CRYBG1: variants seen among roughly 807,000 people sequenced by gnomAD.
CRYBG1 encodes the protein crystallin beta-gamma domain containing 1.
In CRYBG1, 139 loss-of-function variants were observed where a neutral mutation model predicts 189.2. That is an observed-to-expected ratio of 0.73 (90% CI 0.64 to 0.85). CRYBG1 has a LOEUF of 0.85. Among genes scored for constraint, CRYBG1 ranks in the 40% least tolerant of loss-of-function variants. The pLI is 0.00. For synonymous variants in CRYBG1, 1,023 were observed against 1,017.1 expected (o/e 1.01, Z -0.11); for missense variants, 2,611 against 2,675.8 (o/e 0.98, Z 0.53).
intron 21 of CRYBG1, among the ~76,000 whole-genome samples, chr6:106,568,052 A>G (rs376326550): frequency 0.17 from 25,136 of 151,954 alleles, 2,603 homozygotes; most frequent in African/African-American, 0.29. Flanking sequence ...TGCCAGGACT[A>G]CCTGCTCTTT....
chr6:106,424,851 G>T (rs142260022), intron 1 of CRYBG1, among the ~76,000 whole-genome samples: 15 of 152,090 alleles, frequency 9.9e-5, no homozygotes, highest in African/African-American at 3.4e-4. Flanking sequence ...TGCACTCCTT[G>T]TCATTGGCAT....
At chr6:106,428,944 T>G (rs1388166708) in intron 1 of CRYBG1, among the ~76,000 whole-genome samples, 3 of 152,208 alleles carry the variant, frequency 2.0e-5, no homozygotes, top group Non-Finnish European at 4.4e-5. Context: ...TCCTTTCCCT[T>G]GATCTTTTGA....
intron 1 of CRYBG1, among the ~76,000 whole-genome samples, chr6:106,401,118 G>A (rs1770711874): frequency 6.6e-6 from 1 of 152,116 alleles, no homozygotes; most frequent in Non-Finnish European, 1.5e-5. Flanking sequence ...AAAAGGAAGT[G>A]CAAAAGGAAG....
chr6:106,459,465 A>T (rs1057159962), intron 2 of CRYBG1, among the ~76,000 whole-genome samples: 3 of 152,044 alleles, frequency 2.0e-5, no homozygotes. Context: ...TCACCCTGAG[A>T]GGTAACTATT....
At chr6:106,491,802 G>T (rs973773862) in intron 2 of CRYBG1, among the ~76,000 whole-genome samples, 11 of 152,078 alleles carry the variant, frequency 7.2e-5, no homozygotes, top group African/African-American at 2.7e-4. Context: ...TCCCCGCTCA[G>T]AAACCTTAAA....
chr6:106,447,547 A>AATATATATATATATATATAT lies in CRYBG1; in HGVS notation c.174-4140_174-4121dup, dbSNP rs59943398. Among the ~76,000 whole-genome samples, 255 of 140,954 alleles carry AATATATATATATATATATAT rather than the reference A, an allele frequency of 1.8e-3. 1 individual carries two copies. Among genetic ancestry groups the AATATATATATATATATATAT allele is most frequent in the East Asian group, 6.1e-3 (28 of 4,602 alleles). The allele number at this position is 140,954 out of a possible 152,430, so 92.5% of individuals were successfully genotyped here. A position where few individuals can be genotyped will look rare whatever the true frequency, so the allele number is the denominator to read the frequency against. On this transcript the variant is annotated intron_variant, in intron 1 of 21. Coordinates refer to ENST00000633556, the MANE Select transcript of CRYBG1 (RefSeq NM_001371242.2). ...ATGCTTGTACCTCATGTACCTCATA[A>AATATATATATATATATATAT]ATATATATATATATATATATATATA...
At chr6:106,370,009 C>A (rs1240119718) in intron 1 of CRYBG1, among the ~76,000 whole-genome samples, 1 of 152,132 alleles carries the variant, frequency 6.6e-6, no homozygotes, top group Non-Finnish European at 1.5e-5. Flanking sequence ...ATGGTGCTTT[C>A]TTTATATTCT....
At position 106,558,536 on chromosome 6, in the gene CRYBG1, AAAAAAGATTG is replaced by A. The variant is rs752363735; in HGVS notation, c.5769_5778del (p.Lys1923AsnfsTer60). The A allele has an allele frequency of 6.2e-7, 1 of 1,611,732 alleles. No homozygotes were observed. Among genetic ancestry groups the A allele is most frequent in the Non-Finnish European group, 8.5e-7 (1 of 1,178,158 alleles). ...TCTTTGAAAGAGAAGACTTCAAAGG[AAAAAAGATTG>A]AACTTAATGCAGAAACTGTCAATCT... On this transcript the variant is annotated frameshift_variant, in exon 18 of 22. Coordinates refer to ENST00000633556, the MANE Select transcript of CRYBG1 (RefSeq NM_001371242.2). LOFTEE classifies it high-confidence loss of function.
intron 1 of CRYBG1, among the ~76,000 whole-genome samples, chr6:106,411,946 C>A (rs898934185): frequency 6.6e-6 from 1 of 152,214 alleles, no homozygotes. Flanking sequence ...CTTCTTTCAC[C>A]TGCTTTGTTC....
Position 106,519,414 on chromosome 6 carries a change from A to T in CRYBG1, c.2206A>T (p.Asn736Tyr). 6.2e-7 allele frequency: 1 copy of T among 1,614,144 alleles called. No homozygotes were observed. Among genetic ancestry groups the T allele is most frequent in the South Asian group, 1.1e-5 (1 of 91,086 alleles). The part of the protein sequence containing the change: ...MEQPEKKVMP[N>Y]SPQNGVLVKE... Reference sequence around the variant, plus strand: ...GCAACCTGAAAAGAAAGTAATGCCAAACAGTCCCCAGAATGGTGTGCTGGT... The same window carrying T: ...GCAACCTGAAAAGAAAGTAATGCCATACAGTCCCCAGAATGGTGTGCTGGT... The change falls in exon 4 of 22, where the codon AAC becomes TAC. Residue 736 changes from asparagine to tyrosine, a missense_variant. This residue lies in a region of CRYBG1 where 1,622 missense variants were observed against 1,735.0 expected (regional missense o/e 0.93). Coordinates refer to ENST00000633556, the MANE Select transcript of CRYBG1 (RefSeq NM_001371242.2).
At chr6:106,543,318 C>A in intron 10 of CRYBG1, 122 bp from the exon 11 acceptor site, 1 of 994,580 alleles carries the variant, frequency 1.0e-6, no homozygotes, top group Non-Finnish European at 1.5e-6. Flanking sequence ...GCGTGAGCCA[C>A]CGCGCCCAGT....
Position 106,565,973 on chromosome 6 carries a change from A to C in CRYBG1, c.6301+2047A>C, listed in dbSNP as rs577907400. On this transcript the variant is annotated intron_variant, in intron 21 of 21. Coordinates refer to ENST00000633556, the MANE Select transcript of CRYBG1 (RefSeq NM_001371242.2). ...GAGTTTTTGACACAATGTTAGAGAA[A>C]GTAGGGTATGTAGTTCTCAAAGGAA... Among the ~76,000 whole-genome samples, 4 of 152,338 alleles carry C rather than the reference A, an allele frequency of 2.6e-5. 1 individual carries two copies. The highest frequency in any genetic ancestry group is 9.6e-5 in the African/African-American group (4 of 41,572).
At chr6:106,442,286 A>T (rs2114423054) in intron 1 of CRYBG1, among the ~76,000 whole-genome samples, 1 of 152,238 alleles carries the variant, frequency 6.6e-6, no homozygotes, top group African/African-American at 2.4e-5. Context: ...GGATTGATGA[A>T]GATAATTATT....
At position 106,477,836 on chromosome 6, in the gene CRYBG1, G is replaced by A. The variant is rs575609988; in HGVS notation, c.312+26004G>A. On this transcript the variant is annotated intron_variant, in intron 2 of 21. Coordinates refer to ENST00000633556, the MANE Select transcript of CRYBG1 (RefSeq NM_001371242.2). ...CATTTTTGTGGGGTTCATCAGAAGT[G>A]GGTGTGAAGGTTTTCTTCCTGTGTA... Among the ~76,000 whole-genome samples, 3 of 152,346 alleles carry A rather than the reference G, an allele frequency of 2.0e-5. No individual in the cohort carries two copies. In the East Asian group the frequency reaches 5.8e-4, roughly 29 times the overall value.
chr6:106,567,024 CT>C (rs1296125884), intron 21 of CRYBG1, among the ~76,000 whole-genome samples: 1 of 152,182 alleles, frequency 6.6e-6, no homozygotes, highest in Non-Finnish European at 1.5e-5. Context: ...TTTAAACACT[CT>C]CCAAAGGCAA....
chr6:106,405,383 G>A (rs181677105), intron 1 of CRYBG1, among the ~76,000 whole-genome samples: 53 of 152,344 alleles, frequency 3.5e-4, no homozygotes, highest in Non-Finnish European at 6.2e-4. Flanking sequence ...AGCAGCCCCA[G>A]TCAGGGGCTT....
chr6:106,535,708 C>CT (rs971630079), intron 8 of CRYBG1, among the ~76,000 whole-genome samples: 7 of 151,156 alleles, frequency 4.6e-5, no homozygotes, highest in Non-Finnish European at 7.4e-5. Flanking sequence ...TTTTAAGTCT[C>CT]TTTTTAAAGA....
intron 1 of CRYBG1, among the ~76,000 whole-genome samples, chr6:106,388,188 C>T (rs1295473345): frequency 6.6e-6 from 1 of 152,186 alleles, no homozygotes; most frequent in Admixed American, 6.5e-5. Context: ...AGGGGTAAAT[C>T]ACGTGCACTT....
rs10223856 is a variant in CRYBG1 at position 106,517,393 on chromosome 6, T to C, written c.1923-1738T>C. ...ATACACACACACATATACACACATA[T>C]ATATATATACACACACACATATATA... On this transcript the variant is annotated intron_variant, in intron 3 of 21. Coordinates refer to ENST00000633556, the MANE Select transcript of CRYBG1 (RefSeq NM_001371242.2). Among the ~76,000 whole-genome samples the C allele has an allele frequency of 8.3e-4, 103 of 124,122 alleles. 2 individuals carry two copies. Among genetic ancestry groups the C allele is most frequent in the Non-Finnish European group, 3.6e-4 (21 of 57,800 alleles). 81.4% of individuals were successfully genotyped at this position (124,122 alleles called of 152,430 possible).
Sources: allele counts gnomAD v4.1 joint callset (sites outside exome capture counted in the v4.1 genomes callset), GRCh38; gene constraint gnomAD v4.1.1; regional missense constraint gnomAD v4.1.1; transcripts MANE v1.5; gene names NCBI Gene and HGNC (gene_info 2026-07-23, HGNC 2026-07-21).